The following ATXN7 variants were observed in gnomAD, a reference collection of about 807,000 sequenced individuals.
ATXN7 encodes ataxin-7.
A neutral mutation model predicts 70.5 loss-of-function variants in ATXN7; 12 were observed. The ratio of observed to expected loss-of-function variants is 0.17; its 90% CI spans 0.11 to 0.28. The LOEUF (loss-of-function observed/expected upper bound fraction) is 0.28. Ranked by LOEUF, ATXN7 falls within the 10% of genes least tolerant of loss-of-function variation. The pLI is 1.00. For synonymous variants in ATXN7, 498 were observed against 448.7 expected, an observed-to-expected ratio of 1.11 and a Z score of -1.39; for missense variants, 1,256 against 1,131.7, an observed-to-expected ratio of 1.11 and a Z score of -1.58.
intron 11 of ATXN7, among the ~76,000 whole-genome samples, chr3:63,991,995 C>T (rs1221402676): frequency 6.6e-6 from 1 of 152,108 alleles, no homozygotes; most frequent in Non-Finnish European, 1.5e-5. Flanking sequence ...AACTAGTATT[C>T]GGTGGGAGTG....
Position 63,999,535 on chromosome 3 carries a change from A to C in ATXN7, c.*68A>C. On this transcript the variant is annotated 3_prime_UTR_variant, in exon 13 of 13. Coordinates refer to ENST00000674280, the MANE Select transcript of ATXN7 (RefSeq NM_001377405.1). ...AGGACAAGTTACACCTCCACTCAGC[A>C]CTCTGGACTCCACGATGCCTTTGAG... 6.2e-7 allele frequency: 1 copy of C among 1,604,052 alleles called. No homozygotes were observed. Among genetic ancestry groups the C allele is most frequent in the Non-Finnish European group, 8.5e-7 (1 of 1,174,528 alleles).
chr3:63,944,915 C>T (rs2074833671), intron 4 of ATXN7, among the ~76,000 whole-genome samples: 1 of 152,154 alleles, frequency 6.6e-6, no homozygotes, highest in African/African-American at 2.4e-5. Flanking sequence ...CCTCAGCTTC[C>T]CAGGTAGCTG....
At chr3:63,964,106 A>G (rs1236910433) in intron 5 of ATXN7, among the ~76,000 whole-genome samples, 3 of 146,340 alleles carry the variant, frequency 2.1e-5, no homozygotes, top group African/African-American at 7.7e-5. Flanking sequence ...ACACACACAC[A>G]CACGTATGAT....
rs768284781 is a variant in ATXN7 at position 63,990,236 on chromosome 3, T to C, written c.1422T>C (p.His474=). Residue 474 remains histidine (H), a synonymous_variant, in exon 10 of 13, where the codon CAT becomes CAC. Coordinates refer to ENST00000674280, the MANE Select transcript of ATXN7 (RefSeq NM_001377405.1). The part of the protein sequence containing the change: ...GSAPIDPPPV[H]ESPHPPLPAT... ...CCCCCATTGACCCTCCTCCAGTCCA[T>C]GAATCTCCACACCCTCCCCTGCCTG... 1 of 1,613,886 alleles carries C rather than the reference T, an allele frequency of 6.2e-7. No homozygotes were observed. Among genetic ancestry groups the C allele is most frequent in the Non-Finnish European group, 8.5e-7 (1 of 1,179,982 alleles).
intron 5 of ATXN7, among the ~76,000 whole-genome samples, chr3:63,973,574 C>T (rs1189335352): frequency 6.6e-6 from 1 of 152,156 alleles, no homozygotes. Context: ...CAGTGATACG[C>T]CCTGCTTGGG....
intron 4 of ATXN7, among the ~76,000 whole-genome samples, chr3:63,935,229 C>T (rs2074637958): frequency 6.6e-6 from 1 of 152,116 alleles, no homozygotes; most frequent in African/African-American, 2.4e-5. Context: ...ACGGCGATTC[C>T]TGTGGCCCTG....
intron 8 of ATXN7, among the ~76,000 whole-genome samples, chr3:63,985,813 C>G (rs751767276): frequency 6.6e-6 from 1 of 152,160 alleles, no homozygotes; most frequent in Non-Finnish European, 1.5e-5. Context: ...CTTTTTATTA[C>G]GTACATCTGT....
chr3:63,926,108 T>A (rs2107328158), intron 4 of ATXN7, among the ~76,000 whole-genome samples: 1 of 152,308 alleles, frequency 6.6e-6, no homozygotes, highest in South Asian at 2.1e-4. Flanking sequence ...CAAAATGAAT[T>A]GTTTCTCCCC....
intron 9 of ATXN7, among the ~76,000 whole-genome samples, chr3:63,988,994 G>A (rs188474970): frequency 9.1e-4 from 138 of 152,310 alleles, no homozygotes; most frequent in African/African-American, 3.1e-3. Context: ...AGTGTTGGCC[G>A]TTCATTTATT....
chr3:63,931,371 C>G (rs1481178690), intron 4 of ATXN7, among the ~76,000 whole-genome samples: 1 of 151,976 alleles, frequency 6.6e-6, no homozygotes, highest in African/African-American at 2.4e-5. Context: ...TGTATTATAA[C>G]TCTGATAAAG....
chr3:63,947,340 C>T (rs987668685), intron 4 of ATXN7, among the ~76,000 whole-genome samples: 3 of 152,156 alleles, frequency 2.0e-5, no homozygotes, highest in Non-Finnish European at 4.4e-5. Flanking sequence ...AATCTCAGCA[C>T]TTTGGGAGGC....
Position 63,982,983 on chromosome 3 carries a change from G to C in ATXN7, c.1057G>C (p.Asp353His), listed in dbSNP as rs762846953. ...PDIHCGVIDL[D>H]TKKPCTRSLT... ...CATCCACTGTGGGGTTATTGATCTC[G>C]ACACCAAGAAGCCCTGCACCCGGTC... is the stretch of plus-strand genomic sequence containing the variant. Residue 353 changes from aspartate to histidine, a missense_variant, in exon 8 of 13, where the codon GAC becomes CAC. Transcript: ENST00000674280. 1 of 1,613,964 alleles carries C rather than the reference G, an allele frequency of 6.2e-7. No individual in the cohort carries two copies.
At chr3:63,886,591 G>A (rs1371288870) in intron 1 of ATXN7, among the ~76,000 whole-genome samples, 6 of 152,150 alleles carry the variant, frequency 3.9e-5, no homozygotes, top group Non-Finnish European at 7.3e-5. Flanking sequence ...ACTTACATAA[G>A]AGGTTAACAA....
intron 5 of ATXN7, among the ~76,000 whole-genome samples, chr3:63,957,801 GT>G (rs1472637675): frequency 6.6e-6 from 1 of 152,192 alleles, no homozygotes; most frequent in Non-Finnish European, 1.5e-5. Context: ...ACTCCATATT[GT>G]TGGGAAATAC....
chr3:63,962,487 C>T (rs770156401), intron 5 of ATXN7, among the ~76,000 whole-genome samples: 2 of 152,054 alleles, frequency 1.3e-5, no homozygotes, highest in Non-Finnish European at 2.9e-5. Flanking sequence ...TCACTGCAGC[C>T]TCCATCTCCC....
At chr3:63,950,846 C>G (rs1326773272) in intron 4 of ATXN7, among the ~76,000 whole-genome samples, 3 of 152,114 alleles carry the variant, frequency 2.0e-5, no homozygotes, top group African/African-American at 7.2e-5. Flanking sequence ...AGCTTCTTAT[C>G]TAATCAGTTT....
chr3:63,918,967 G>T (rs540589071), intron 4 of ATXN7, among the ~76,000 whole-genome samples: 1 of 152,232 alleles, frequency 6.6e-6, no homozygotes, highest in African/African-American at 2.4e-5. Flanking sequence ...CTTGCTGACA[G>T]CTCCTGTGCG....
chr3:63,892,467 TCA>T (rs60819300), intron 1 of ATXN7, among the ~76,000 whole-genome samples: 4,150 of 131,416 alleles, frequency 0.032, 84 homozygotes, highest in African/African-American at 0.07. Context: ...TATCGCTCCT[TCA>T]CACACACACA....
At chr3:63,998,792 C>T (rs2075800673) in intron 12 of ATXN7, 1 of 718,094 alleles carries the variant, frequency 1.4e-6, no homozygotes, top group African/African-American at 1.9e-5. Flanking sequence ...AAGAATGCTG[C>T]TGTTACAAAA....
Sources: gnomAD v4.1 joint callset for allele counts (sites outside exome capture counted in the v4.1 genomes callset) on GRCh38, gnomAD v4.1.1 for gene constraint, MANE v1.5 for transcripts, NCBI Gene and HGNC (gene_info 2026-07-23, HGNC 2026-07-21) for gene names.